PLXNA4: variants seen among roughly 807,000 people sequenced by gnomAD.
PLXNA4 encodes the protein plexin A4, also known as plexin-A4.
A neutral mutation model predicts 191.8 loss-of-function variants in PLXNA4; 44 were observed. The observed-to-expected ratio is 0.23, with a 90% CI of 0.18 to 0.29. The LOEUF is 0.29. PLXNA4 is among the 10% of genes least tolerant of loss of function. The pLI is 1.00. For synonymous variants in PLXNA4, 1,082 were observed against 1,009.5 expected (o/e 1.07, Z -1.36); for missense variants, 1,800 against 2,488.8 (o/e 0.72, Z 5.89).
intron 20 of PLXNA4, among the ~76,000 whole-genome samples, chr7:132,175,318 G>A (rs1230396307): frequency 1.3e-5 from 2 of 152,058 alleles, no homozygotes; most frequent in East Asian, 3.9e-4. Flanking sequence ...GGTGCCATGA[G>A]GAAGAGTCCA....
chr7:132,444,477 A>C (rs1795820470), intron 3 of PLXNA4, among the ~76,000 whole-genome samples: 1 of 151,994 alleles, frequency 6.6e-6, no homozygotes, highest in Non-Finnish European at 1.5e-5. Flanking sequence ...CTGATCTCGA[A>C]CTCTTGACCT....
At chr7:132,426,026 G>A (rs1299824142) in intron 3 of PLXNA4, among the ~76,000 whole-genome samples, 1 of 152,214 alleles carries the variant, frequency 6.6e-6, no homozygotes, top group African/African-American at 2.4e-5. Flanking sequence ...CCTCATTTAG[G>A]AGGAAGGTGG....
At chr7:132,634,649 A>G (rs871472) in intron 2 of PLXNA4, among the ~76,000 whole-genome samples, 2,087 of 151,828 alleles carry the variant, frequency 0.014, 74 homozygotes, top group African/African-American at 0.048. Flanking sequence ...TCCCTTTTCC[A>G]CCTAATTCTA....
At chr7:132,213,274 G>A (rs541026962) in intron 9 of PLXNA4, among the ~76,000 whole-genome samples, 10 of 152,334 alleles carry the variant, frequency 6.6e-5, no homozygotes, top group Admixed American at 6.5e-4. Flanking sequence ...TGGGAACAGA[G>A]CCTCAGTTGG....
chr7:132,351,750 G>T (rs1049593350), intron 3 of PLXNA4, among the ~76,000 whole-genome samples: 1 of 152,132 alleles, frequency 6.6e-6, no homozygotes, highest in Non-Finnish European at 1.5e-5. Context: ...CCACACTTAG[G>T]TAGCAGGTAC....
At chr7:132,219,085 C>T (rs1338140309) in intron 9 of PLXNA4, among the ~76,000 whole-genome samples, 1 of 152,174 alleles carries the variant, frequency 6.6e-6, no homozygotes, top group Non-Finnish European at 1.5e-5. Context: ...AGATGAAAAG[C>T]CACCTGTCAG....
At chr7:132,288,055 G>T (rs1254214633) in intron 4 of PLXNA4, among the ~76,000 whole-genome samples, 3 of 152,108 alleles carry the variant, frequency 2.0e-5, no homozygotes, top group African/African-American at 7.2e-5. Context: ...CTCACAGAGG[G>T]CTCCCCATTC....
intron 2 of PLXNA4, among the ~76,000 whole-genome samples, chr7:132,585,022 C>CGCA (rs1802481329): frequency 6.6e-6 from 1 of 152,052 alleles, no homozygotes; most frequent in South Asian, 2.1e-4. Context: ...GTGAAGGTCA[C>CGCA]GCAGCAGCCT....
At chr7:132,233,315 G>A (rs1798585909) in intron 5 of PLXNA4, among the ~76,000 whole-genome samples, 1 of 152,178 alleles carries the variant, frequency 6.6e-6, no homozygotes, top group Non-Finnish European at 1.5e-5. Context: ...GTGGCTTGGA[G>A]GAAGTGGAGT....
chr7:132,420,794 G>C (rs1794822487), intron 3 of PLXNA4, among the ~76,000 whole-genome samples: 1 of 152,138 alleles, frequency 6.6e-6, no homozygotes, highest in Non-Finnish European at 1.5e-5. Context: ...TCGTGACAGT[G>C]AATGAGTCTC....
At chr7:132,342,955 A>AAAG (rs1343477720) in intron 3 of PLXNA4, among the ~76,000 whole-genome samples, 2 of 151,362 alleles carry the variant, frequency 1.3e-5, no homozygotes, top group Non-Finnish European at 2.9e-5. Flanking sequence ...TCAAAAAAAA[A>AAAG]AAAAAAGAAA....
chr7:132,567,697 T>C (rs1164910697), intron 1 of PLXNA4, among the ~76,000 whole-genome samples: 3 of 152,196 alleles, frequency 2.0e-5, no homozygotes, highest in African/African-American at 2.4e-5. Flanking sequence ...GCAATGAGTA[T>C]ACAAGAAGTA....
rs1051538423 is a variant in PLXNA4, at chr7:132,437,581, A to C, written c.1371+51711T>G. On this transcript the variant is annotated intron_variant, in intron 3 of 31. Coordinates refer to ENST00000321063, the MANE Select transcript of PLXNA4 (RefSeq NM_020911.2). Reference sequence around the variant, plus strand: ...TGAGGAAAAAAAAGAAAAAAAAAAAAAAAACAGAAAAAGCCACCAGCCCTG... The same window carrying C: ...TGAGGAAAAAAAAGAAAAAAAAAAACAAAACAGAAAAAGCCACCAGCCCTG... Among the ~76,000 whole-genome samples the C allele has an allele frequency of 2.1e-3, 320 of 151,858 alleles. 2 individuals are homozygous for C. Among genetic ancestry groups the C allele is most frequent in the Non-Finnish European group, 2.8e-3 (189 of 67,906 alleles).
At chr7:132,306,161 C>T (rs7789476) in intron 3 of PLXNA4, among the ~76,000 whole-genome samples, 55,776 of 151,934 alleles carry the variant, frequency 0.37, 10,530 homozygotes, top group East Asian at 0.53. Flanking sequence ...TGTGCGGAGG[C>T]GCCCCATATT....
At chr7:132,344,480 C>T (rs911481202) in intron 3 of PLXNA4, among the ~76,000 whole-genome samples, 8 of 152,202 alleles carry the variant, frequency 5.3e-5, no homozygotes, top group African/African-American at 1.7e-4. Context: ...TGTGGGGTCT[C>T]GTGGAGCAAC....
At chr7:132,646,345 G>T (rs1803866752) in intron 1 of PLXNA4, among the ~76,000 whole-genome samples, 1 of 152,164 alleles carries the variant, frequency 6.6e-6, no homozygotes, top group African/African-American at 2.4e-5. Flanking sequence ...CTCATGGGAA[G>T]TCTCTTTTGT....
intron 4 of PLXNA4, chr7:132,266,187 G>A (rs558510451): frequency 2.0e-5 from 3 of 150,202 alleles, no homozygotes; most frequent in South Asian, 4.2e-4. Flanking sequence ...TGTGGGTGTG[G>A]GGGGGAGGGT....
chr7:132,512,547 T>C (rs184017485), intron 1 of PLXNA4, among the ~76,000 whole-genome samples: 1 of 151,928 alleles, frequency 6.6e-6, no homozygotes, highest in East Asian at 1.9e-4. Context: ...TTTTACACAC[T>C]AAGAAAGGGA....
At chr7:132,562,875 CTCT>C (rs1210168454) in intron 1 of PLXNA4, among the ~76,000 whole-genome samples, 4 of 111,588 alleles carry the variant, frequency 3.6e-5, no homozygotes, top group Admixed American at 1.8e-4. Context: ...TCTCCTCCTC[CTCT>C]TCTTTCTCTG....
Sources: gnomAD v4.1 joint callset for allele counts (sites outside exome capture counted in the v4.1 genomes callset) on GRCh38, gnomAD v4.1.1 for gene constraint, MANE v1.5 for transcripts, NCBI Gene and HGNC (gene_info 2026-07-23, HGNC 2026-07-21) for gene names.